The following ACOX1 variants were observed in gnomAD, a reference collection of about 807,000 sequenced individuals.
ACOX1 encodes the protein acyl-CoA oxidase 1.
In ACOX1, 41 loss-of-function variants were observed where a neutral mutation model predicts 75.5. The observed-to-expected ratio is 0.54, with a 90% confidence interval of 0.42 to 0.70. ACOX1 has a LOEUF of 0.70. ACOX1 is among the 30% of genes least tolerant of loss of function. The probability of loss-of-function intolerance (pLI) is 0.00; values close to 1 mark genes in which losing one functional copy is unlikely to be tolerated. For synonymous variants in ACOX1, 303 were observed against 298.8 expected, an observed-to-expected ratio of 1.01 and a Z score of -0.15; for missense variants, 630 against 837.5, an observed-to-expected ratio of 0.75 and a Z score of 3.06.
intron 2 of ACOX1, among the ~76,000 whole-genome samples, chr17:75,972,344 A>AAAAG (rs1555619544): frequency 7.4e-6 from 1 of 134,346 alleles, no homozygotes; most frequent in Non-Finnish European, 1.6e-5. Context: ...AAAAAAAAAA[A>AAAAG]GGAAGGATCT....
intron 2 of ACOX1, among the ~76,000 whole-genome samples, chr17:75,967,828 C>T (rs1181111837): frequency 6.6e-6 from 1 of 150,488 alleles, no homozygotes; most frequent in Non-Finnish European, 1.5e-5. Context: ...GCAACCTCCA[C>T]CTCCCAGGTT....
chr17:75,961,920 T>C (rs17583163), intron 2 of ACOX1, among the ~76,000 whole-genome samples: 10,101 of 152,182 alleles, frequency 0.066, 493 homozygotes, highest in Non-Finnish European at 0.093. Flanking sequence ...AAGGATTTCC[T>C]CTGATGAGAA....
At chr17:75,962,259 G>A (rs1472786261) in intron 2 of ACOX1, among the ~76,000 whole-genome samples, 3 of 152,104 alleles carry the variant, frequency 2.0e-5, no homozygotes, top group African/African-American at 7.2e-5. Context: ...TCATGCATAA[G>A]CTCTCCGTGA....
chr17:75,971,374 T>C (rs1034561531), intron 2 of ACOX1, among the ~76,000 whole-genome samples: 3 of 151,824 alleles, frequency 2.0e-5, no homozygotes, highest in Non-Finnish European at 2.9e-5. Context: ...CACAGCCATA[T>C]AGGATCTCTG....
In ACOX1 at chr17:75,955,891, A is replaced by C. The variant is rs750905063; in HGVS notation, c.595T>G (p.Cys199Gly). The C allele has an allele frequency of 1.2e-6, 2 of 1,613,188 alleles. No individual in the cohort carries two copies. Among genetic ancestry groups the C allele is most frequent in the Non-Finnish European group, 1.7e-6 (2 of 1,179,474 alleles). The change falls in exon 5 of 14, where the codon TGC becomes GGC. Residue 199 changes from cysteine to glycine, a missense_variant. Cys to Gly is a radical substitution (Grantham distance 159). This residue lies in a region of ACOX1 where 390 missense variants were observed against 574.9 expected (regional missense o/e 0.68). Transcript: ENST00000293217. ...ACGATAAAGGCATGTAATCCATAGC[A>C]TTTCCCCTTAGTGATGAGCTGGGCA... Reference protein sequence around the residue: ...VLAQLITKGKCYGLHAFIVPI... With the variant: ...VLAQLITKGKGYGLHAFIVPI...
chr17:75,972,194 G>A lies in ACOX1; in HGVS notation c.269+6340C>T, dbSNP rs887398073. 2.0e-5 allele frequency among the ~76,000 whole-genome samples: 3 copies of A among 151,940 alleles called. No individual in the cohort carries two copies. In the East Asian group the frequency reaches 5.8e-4, roughly 29 times the overall value. On this transcript the variant is annotated intron_variant, in intron 2 of 13. Transcript: ENST00000293217. ...ATACAAAAAATTAGCCGGGCGTGGT[G>A]GCGGGCACCTGTAGTCCCAGCTACT... is the stretch of plus-strand genomic sequence containing the variant.
intron 2 of ACOX1, among the ~76,000 whole-genome samples, chr17:75,967,693 CATACATATAT>C (rs1198970179): frequency 9.2e-6 from 1 of 108,306 alleles, no homozygotes; most frequent in Non-Finnish European, 1.8e-5. Context: ...TATATATATA[CATACATATAT>C]ATACATATAT....
At chr17:75,953,649 C>A in intron 6 of ACOX1, 29 bp from the exon 7 acceptor site, 1 of 1,613,134 alleles carries the variant, frequency 6.2e-7, no homozygotes. Context: ...ACTGATACTT[C>A]CTTCTTTTAA....
intron 2 of ACOX1, among the ~76,000 whole-genome samples, chr17:75,967,442 C>T (rs2065942247): frequency 6.6e-6 from 1 of 150,826 alleles, no homozygotes; most frequent in Non-Finnish European, 1.5e-5. Context: ...TGCACTCCAG[C>T]CTGGTGACAG....
chr17:75,978,256 G>A lies in ACOX1; in HGVS notation c.269+278C>T, dbSNP rs1306731448. Among the ~76,000 whole-genome samples the A allele has an allele frequency of 2.0e-5, 3 of 152,104 alleles. No individual in the cohort carries two copies. The East Asian group carries it at 5.8e-4, about 29-fold the overall frequency. The stretch of plus-strand genomic sequence containing the variant: ...ACTACAGGCGCCCGCCACCACGCCC[G>A]GCTAATTTTTGTATTTTCAGTAGAG... On this transcript the variant is annotated intron_variant, in intron 2 of 13. Transcript: ENST00000293217. The surrounding 1 kb of genome is among the most constrained non-coding windows in gnomAD (Gnocchi z 4.2).
At chr17:75,958,093 G>A (rs534656888) in intron 3 of ACOX1, among the ~76,000 whole-genome samples, 2 of 152,276 alleles carry the variant, frequency 1.3e-5, no homozygotes, top group East Asian at 1.9e-4. Flanking sequence ...GGTGGCTCAT[G>A]CCTGTAATCC....
rs148615230 is a variant in ACOX1 at position 75,962,250 on chromosome 17, C to T, written c.270-1875G>A. Among the ~76,000 whole-genome samples the T allele has an allele frequency of 1.5e-3, 235 of 152,256 alleles. 1 individual carries two copies. Among genetic ancestry groups the T allele is most frequent in the African/African-American group, 5.4e-3 (223 of 41,570 alleles). On this transcript the variant is annotated intron_variant, in intron 2 of 13. Transcript: ENST00000293217. ...CCATAATAACGACAAGTTACAGATT[C>T]ATGCATAAGCTCTCCGTGACAATTA... is the stretch of plus-strand genomic sequence containing the variant.
chr17:75,968,587 CA>C (rs2065962998), intron 2 of ACOX1, among the ~76,000 whole-genome samples: 1 of 104,438 alleles, frequency 9.6e-6, no homozygotes, highest in Non-Finnish European at 1.8e-5. Context: ...GCCTGGGCGA[CA>C]AAGCGAGACT....
chr17:75,978,627 C>G lies in ACOX1; in HGVS notation c.176G>C (p.Arg59Pro), dbSNP rs777937235. 1.2e-6 allele frequency: 2 copies of G among 1,614,212 alleles called. No homozygotes were observed. The highest frequency in any genetic ancestry group is 3.3e-5 in the Admixed American group (2 of 60,020). The change falls in exon 2 of 14, where the codon CGT (arginine) becomes CCT (proline). Residue 59 changes from arginine to proline, a missense_variant. Physicochemically the swap from Arg to Pro is moderately radical, Grantham distance 103. Transcript: ENST00000293217. This position sits in a 1 kb window ranked among gnomAD's most constrained non-coding sequence, Gnocchi z 4.2. ...ACTTTTCCTGACAGCCACCTCATAA[C>G]GCTGGCTGCGAGTGAGGAAGTTCAA... ...EDLNFLTRSQ[R>P]YEVAVRKSAI...
At chr17:75,973,778 A>T in intron 2 of ACOX1, 1 of 1,614,136 alleles carries the variant, frequency 6.2e-7, no homozygotes, top group Non-Finnish European at 8.5e-7. Flanking sequence ...AAATTGACCA[A>T]ATGTAGTCTA....
chr17:75,978,498 C>G lies in ACOX1; in HGVS notation c.269+36G>C. The G allele has an allele frequency of 6.2e-7, 1 of 1,613,968 alleles. No individual in the cohort carries two copies. Among genetic ancestry groups the G allele is most frequent in the Non-Finnish European group, 8.5e-7 (1 of 1,179,900 alleles). ...ATAGACCGCAGCTGTAAAGTTTAGG[C>G]TTAACAACACTTGCTCTGTTCTAAG... On this transcript the variant is annotated intron_variant, in intron 2 of 13. Coordinates refer to ENST00000293217, the MANE Select transcript of ACOX1 (RefSeq NM_004035.7). The surrounding 1 kb of genome is among the most constrained non-coding windows in gnomAD (Gnocchi z 4.2).
chr17:75,957,008 T>TAC lies in ACOX1; in HGVS notation c.538+449_538+450dup, dbSNP rs1202955138. ...ATATATATATATATATATATATATA[T>TAC]ACACACACACACCTCTCTCTGTCTA... is the stretch of plus-strand genomic sequence containing the variant. On this transcript the variant is annotated intron_variant, in intron 4 of 13. Coordinates refer to ENST00000293217, the MANE Select transcript of ACOX1 (RefSeq NM_004035.7). Among the ~76,000 whole-genome samples, 212 of 110,104 alleles carry TAC rather than the reference T, an allele frequency of 1.9e-3. 5 individuals carry two copies. The highest frequency in any genetic ancestry group is 6.6e-3 in the African/African-American group (175 of 26,596). 72.2% of individuals were successfully genotyped at this position (110,104 alleles called of 152,430 possible).
Position 75,955,649 on chromosome 17 carries a change from C to T in ACOX1, c.691G>A (p.Gly231Ser). The change falls in exon 6 of 14, where the codon GGT (glycine) becomes AGT (serine). Residue 231 changes from glycine (G) to serine (S), a missense_variant. Gly to Ser is a moderately conservative substitution (Grantham distance 56, BLOSUM62 0). Transcript: ENST00000293217. ...TAGCCATTGTCTATCTCATCATAACCAAATTTGGGGCCGATGTCACCAACG... is the reference window on the plus strand; with the variant it reads ...TAGCCATTGTCTATCTCATCATAACTAAATTTGGGGCCGATGTCACCAACG... ...ITVGDIGPKFGYDEIDNGYLK... is the reference protein window; with the variant it reads ...ITVGDIGPKFSYDEIDNGYLK... 1 of 1,614,122 alleles carries T rather than the reference C, an allele frequency of 6.2e-7. No homozygotes were observed. Among genetic ancestry groups the T allele is most frequent in the Non-Finnish European group, 8.5e-7 (1 of 1,180,018 alleles).
chr17:75,965,791 C>A (rs1049094109), intron 2 of ACOX1, among the ~76,000 whole-genome samples: 12 of 152,038 alleles, frequency 7.9e-5, no homozygotes, highest in African/African-American at 2.9e-4. Flanking sequence ...TATGATCAAA[C>A]CTCTGCACTC....
Sources: gnomAD v4.1 joint callset for allele counts (sites outside exome capture counted in the v4.1 genomes callset) on GRCh38, gnomAD v4.1.1 for gene constraint, gnomAD v4.1.1 regional missense constraint, Gnocchi (gnomAD v3.1) non-coding constraint, MANE v1.5 for transcripts, NCBI Gene and HGNC (gene_info 2026-07-23, HGNC 2026-07-21) for gene names.